Variants in VPS13B observed in about 807,000 individuals in gnomAD.
VPS13B encodes the protein vacuolar protein sorting 13 homolog B, also known as intermembrane lipid transfer protein VPS13B.
Under a neutral mutation model 426.4 loss-of-function variants are expected in VPS13B, and 285 were observed. The ratio of observed to expected loss-of-function variants is 0.67; its 90% CI spans 0.61 to 0.74. The LOEUF is 0.74. Ranked by LOEUF, VPS13B falls within the 30% of genes least tolerant of loss-of-function variation. VPS13B has a pLI of 0.00. For missense variants in VPS13B, 4,537 were observed against 4,782.6 expected, an observed-to-expected ratio of 0.95 and a Z score of 1.51; for synonymous variants, 1,676 against 1,676.4, an observed-to-expected ratio of 1.00 and a Z score of 0.01.
At chr8:99,256,614 G>A (rs1817757599) in intron 17 of VPS13B, among the ~76,000 whole-genome samples, 1 of 151,982 alleles carries the variant, frequency 6.6e-6, no homozygotes, top group South Asian at 2.1e-4. Flanking sequence ...GTATCTCTTT[G>A]TCGTTTTGAT....
At chr8:99,470,589 A>C (rs1819349177) in intron 24 of VPS13B, among the ~76,000 whole-genome samples, 1 of 152,126 alleles carries the variant, frequency 6.6e-6, no homozygotes, top group African/African-American at 2.4e-5. Context: ...AGTAGAAATT[A>C]CTGAATTTGA....
chr8:99,599,863 C>T (rs1827202178), intron 33 of VPS13B, among the ~76,000 whole-genome samples: 1 of 152,104 alleles, frequency 6.6e-6, no homozygotes, highest in Non-Finnish European at 1.5e-5. Flanking sequence ...GGTGGCCCCT[C>T]ACCATTCTTT....
chr8:99,589,270 G>T (rs924450814), intron 33 of VPS13B, among the ~76,000 whole-genome samples: 3 of 151,448 alleles, frequency 2.0e-5, no homozygotes, highest in African/African-American at 4.9e-5. Context: ...TTTGTTACAT[G>T]TGTATATATG....
At position 99,215,932 on chromosome 8, in the gene VPS13B, A is replaced by G. The variant is rs780822561; in HGVS notation, c.2515+22875A>G. Among the ~76,000 whole-genome samples, 3 of 152,328 alleles carry G rather than the reference A, an allele frequency of 2.0e-5. No homozygotes were observed. The South Asian group carries it at 6.2e-4, about 32-fold the overall frequency. On this transcript the variant is annotated intron_variant, in intron 17 of 61. Transcript: ENST00000357162. ...AGGCTTTCCAAAGGATAACAGTCTT[A>G]GGCTTGCTATATTGTCTTTTTTGTA...
chr8:99,808,796 C>CAA (rs771016121), intron 43 of VPS13B, among the ~76,000 whole-genome samples: 1 of 128,384 alleles, frequency 7.8e-6, no homozygotes, highest in Admixed American at 7.8e-5. Flanking sequence ...AAGTACATAA[C>CAA]AAAAAAAAAA....
chr8:99,744,900 A>G (rs928304473), intron 39 of VPS13B, among the ~76,000 whole-genome samples: 18 of 152,130 alleles, frequency 1.2e-4, no homozygotes, highest in South Asian at 2.1e-4. Context: ...CAGCACACCA[A>G]CATGGCACAT....
At chr8:99,073,090 C>A (rs990002888) in intron 3 of VPS13B, among the ~76,000 whole-genome samples, 4 of 152,064 alleles carry the variant, frequency 2.6e-5, no homozygotes, top group Non-Finnish European at 5.9e-5. Context: ...TCCTCTTTAC[C>A]CTTCCTCTCC....
intron 33 of VPS13B, among the ~76,000 whole-genome samples, chr8:99,614,856 G>A (rs1180275346): frequency 2.6e-5 from 4 of 151,846 alleles, no homozygotes; most frequent in East Asian, 1.9e-4. Flanking sequence ...GGTGGCTCAC[G>A]CCTGTAATCC....
At chr8:99,552,201 CT>C (rs1391998072) in intron 30 of VPS13B, among the ~76,000 whole-genome samples, 1 of 151,696 alleles carries the variant, frequency 6.6e-6, no homozygotes, top group Non-Finnish European at 1.5e-5. Context: ...TTTTTAAAGT[CT>C]TGTTCCCTGC....
intron 33 of VPS13B, among the ~76,000 whole-genome samples, chr8:99,582,775 C>T (rs1157042624): frequency 5.3e-5 from 8 of 152,178 alleles, no homozygotes; most frequent in African/African-American, 1.4e-4. Context: ...CCTGCCTCAG[C>T]CTCCCGAGTA....
intron 17 of VPS13B, among the ~76,000 whole-genome samples, chr8:99,235,520 A>G (rs2132870207): frequency 6.6e-6 from 1 of 152,322 alleles, no homozygotes; most frequent in South Asian, 2.1e-4. Flanking sequence ...ATGTTGGGTA[A>G]GTTTAGAAGA....
At chr8:99,766,680 G>C in intron 39 of VPS13B, 94 bp from the exon 40 acceptor site, 2 of 1,127,058 alleles carry the variant, frequency 1.8e-6, no homozygotes, top group Non-Finnish European at 2.5e-6. Context: ...AGGTCTTAAT[G>C]TTATAATTTT....
At chr8:99,059,113 A>G (rs905423749) in intron 3 of VPS13B, among the ~76,000 whole-genome samples, 1 of 152,200 alleles carries the variant, frequency 6.6e-6, no homozygotes, top group Non-Finnish European at 1.5e-5. Context: ...AGTTAGTGAT[A>G]CAGACAAAAA....
intron 19 of VPS13B, among the ~76,000 whole-genome samples, chr8:99,378,640 A>C (rs1283960208): frequency 1.3e-5 from 2 of 152,208 alleles, no homozygotes; most frequent in Non-Finnish European, 2.9e-5. Context: ...TTCTTCCATC[A>C]GGGTTTCAGC....
intron 5 of VPS13B, among the ~76,000 whole-genome samples, chr8:99,110,439 G>A (rs1024592946): frequency 2.0e-5 from 3 of 151,878 alleles, no homozygotes; most frequent in African/African-American, 7.3e-5. Context: ...TGTTATTGGT[G>A]ATTTCTTTAT....
At chr8:99,818,975 A>AGG in intron 47 of VPS13B, 87 bp downstream of exon 47, 1 of 133,540 alleles carries the variant, frequency 7.5e-6, no homozygotes, top group Non-Finnish European at 1.5e-5. Context: ...GCGGCGGGGG[A>AGG]GGGGTGGGTA....
chr8:99,290,742 C>G (rs1449282176), intron 19 of VPS13B, among the ~76,000 whole-genome samples: 2 of 151,816 alleles, frequency 1.3e-5, no homozygotes, highest in Admixed American at 1.3e-4. Context: ...ATCCTTAACC[C>G]AGTCTTTCTG....
intron 44 of VPS13B, among the ~76,000 whole-genome samples, chr8:99,812,898 G>C (rs2130796667): frequency 6.6e-6 from 1 of 152,232 alleles, no homozygotes; most frequent in East Asian, 1.9e-4. Flanking sequence ...ATCATATGTG[G>C]AAATCTTCAA....
rs779748899 is a variant in VPS13B, at chr8:99,511,500, C to A, written c.4621C>A (p.Pro1541Thr). Residue 1541 changes from proline to threonine, a missense_variant, in exon 29 of 62, where the codon CCA (proline) becomes ACA (threonine). Transcript: ENST00000357162. ...IFIPKTEEMQ[P>T]TVEANQAAKE... ...TATTCCAAAAACAGAAGAAATGCAG[C>A]CAACTGTTGAAGGTATTGTCTTCTG... is the stretch of plus-strand genomic sequence containing the variant. 1.9e-6 allele frequency: 3 copies of A among 1,612,526 alleles called. No homozygotes were observed. The highest frequency in any genetic ancestry group is 2.5e-6 in the Non-Finnish European group (3 of 1,179,698).
Sources: allele counts gnomAD v4.1 joint callset (sites outside exome capture counted in the v4.1 genomes callset), GRCh38; gene constraint gnomAD v4.1.1; transcripts MANE v1.5; gene names NCBI Gene and HGNC (gene_info 2026-07-23, HGNC 2026-07-21).